The following ZNF454 variants were observed in gnomAD, a reference collection of about 807,000 sequenced individuals.
ZNF454 encodes zinc finger protein 454.
A neutral mutation model predicts 48.2 loss-of-function variants in ZNF454; 30 were observed. The ratio of observed to expected loss-of-function variants is 0.62; its 90% CI spans 0.47 to 0.84. The LOEUF is 0.84. ZNF454 is among the 40% of genes least tolerant of loss of function. The pLI is 0.00. For missense variants in ZNF454, 510 were observed against 623.1 expected, an observed-to-expected ratio of 0.82 and a Z score of 1.93; for synonymous variants, 204 against 211.4, an observed-to-expected ratio of 0.97 and a Z score of 0.30.
Position 178,965,648 on chromosome 5 carries a change from G to A in ZNF454, c.1244G>A (p.Gly415Asp). 2 of 1,614,148 alleles carry A rather than the reference G, an allele frequency of 1.2e-6. No homozygotes were observed. Among genetic ancestry groups the A allele is most frequent in the East Asian group, 2.2e-5 (1 of 44,882 alleles). The change falls in exon 5 of 5, where the codon GGC becomes GAC. Residue 415 changes from glycine (G) to aspartate (D), a missense_variant. Physicochemically the swap from Gly to Asp is moderately conservative, Grantham distance 94. Coordinates refer to ENST00000519564, the MANE Select transcript of ZNF454 (RefSeq NM_001178089.3). The surrounding 1 kb of genome is among the most constrained non-coding windows in gnomAD (Gnocchi z 5.2). The stretch of plus-strand genomic sequence containing the variant: ...ACTGGAGAGAAACCTTACAGATGTG[G>A]CTTGTGTGAGAAAGCCTTTCGGGAC... ...IHTGEKPYRC[G>D]LCEKAFRDQS... is the part of the protein sequence containing the mutation.
chr5:178,957,107 C>T (rs904945769), intron 4 of ZNF454, among the ~76,000 whole-genome samples: 3 of 152,146 alleles, frequency 2.0e-5, no homozygotes, highest in East Asian at 1.9e-4. Context: ...TGGTCTCGAT[C>T]TCTTGACCTC....
the ZNF454 span, chr5:178,986,450 T>C: frequency 1.2e-6 from 2 of 1,612,856 alleles, no homozygotes; most frequent in Non-Finnish European, 1.7e-6. Flanking sequence ...GCCACCACCG[T>C]GGTAGTGGCC....
At chr5:178,989,502 G>C in the ZNF454 span, 1 of 1,491,428 alleles carries the variant, frequency 6.7e-7, no homozygotes, top group East Asian at 2.3e-5. Flanking sequence ...GCTAGGAGTG[G>C]CCAGGTGAGC....
At position 178,964,848 on chromosome 5, in the gene ZNF454, A is replaced by G; in HGVS notation, c.444A>G (p.Pro148=). Residue 148 remains proline (P), a synonymous_variant, in exon 5 of 5, where the codon CCA becomes CCG. Transcript: ENST00000519564. ...TGGTACTCACTCACCCCAACACCCC[A>G]TCACAGGAATGTGATGAATCCGGGA... ...QRVVLTHPNT[P]SQECDESGST... 1 of 1,614,226 alleles carries G rather than the reference A, an allele frequency of 6.2e-7. No homozygotes were observed. Among genetic ancestry groups the G allele is most frequent in the Non-Finnish European group, 8.5e-7 (1 of 1,180,046 alleles).
chr5:178,989,674 A>C, the ZNF454 span: 1 of 557,566 alleles, frequency 1.8e-6, no homozygotes. Flanking sequence ...CCAGGGTAGC[A>C]CTTACATGCT....
At chr5:178,971,950 T>C in the ZNF454 span, among the ~76,000 whole-genome samples, 2 of 152,188 alleles carry the variant, frequency 1.3e-5, no homozygotes, top group Admixed American at 6.5e-5. Flanking sequence ...TGTTTGTTTT[T>C]TGAGATGGAG....
At chr5:178,943,325 G>A (rs1225713442) in intron 2 of ZNF454, among the ~76,000 whole-genome samples, 1 of 152,164 alleles carries the variant, frequency 6.6e-6, no homozygotes, top group African/African-American at 2.4e-5. Context: ...CGGTGAGAAA[G>A]GGAGCAAGAG....
At chr5:178,986,744 G>A in the ZNF454 span, 4 of 1,607,350 alleles carry the variant, frequency 2.5e-6, no homozygotes, top group East Asian at 2.2e-5. Flanking sequence ...GACCACTGCA[G>A]GGCCTCCACC....
At chr5:178,962,936 A>G (rs1285117726) in intron 4 of ZNF454, among the ~76,000 whole-genome samples, 2 of 151,768 alleles carry the variant, frequency 1.3e-5, no homozygotes, top group Non-Finnish European at 1.5e-5. Context: ...TGCCCGTACT[A>G]CTAGTTTTGT....
chr5:178,964,182 G>A (rs928279160), intron 4 of ZNF454, among the ~76,000 whole-genome samples: 3 of 150,978 alleles, frequency 2.0e-5, no homozygotes, highest in South Asian at 2.1e-4. Flanking sequence ...ATGCAGTGGC[G>A]CGATCTCGGC....
chr5:178,987,040 T>C, the ZNF454 span: 2 of 1,560,984 alleles, frequency 1.3e-6, no homozygotes, highest in Non-Finnish European at 8.8e-7. Context: ...GCTGGCCTCC[T>C]GGGGAGGCCC....
Position 178,965,206 on chromosome 5 carries a change from G to A in ZNF454, c.802G>A (p.Gly268Arg). 1 of 1,614,130 alleles carries A rather than the reference G, an allele frequency of 6.2e-7. No homozygotes were observed. The highest frequency in any genetic ancestry group is 8.5e-7 in the Non-Finnish European group (1 of 1,180,040). Reference sequence around the variant, plus strand: ...TACGTACCATCAGAAAATTCATACTGGAGAGAAGCCTTTTGAATGCAACTT... The same window carrying A: ...TACGTACCATCAGAAAATTCATACTAGAGAGAAGCCTTTTGAATGCAACTT... ...SLTYHQKIHT[G>R]EKPFECNLCG... Residue 268 changes from glycine (G) to arginine (R), a missense_variant, in exon 5 of 5, where the codon GGA (glycine) becomes AGA (arginine). By Grantham distance (125) the Gly-to-Arg change is moderately radical. Around this residue, in one of 3 missense-constraint regions of ZNF454, gnomAD observed 354 missense variants for 408.9 expected, o/e 0.87. Transcript: ENST00000519564. The surrounding 1 kb of genome is among the most constrained non-coding windows in gnomAD (Gnocchi z 5.2).
the ZNF454 span, chr5:178,989,121 C>T: frequency 3.1e-6 from 5 of 1,613,860 alleles, no homozygotes; most frequent in African/African-American, 2.7e-5. Context: ...GAGTCCCGGC[C>T]GATGCGTTCC....
At chr5:178,943,314 A>T (rs534268167) in intron 2 of ZNF454, among the ~76,000 whole-genome samples, 9 of 152,252 alleles carry the variant, frequency 5.9e-5, no homozygotes, top group African/African-American at 1.7e-4. Flanking sequence ...GGTGTATCAC[A>T]CGGTGAGAAA....
At position 178,956,680 on chromosome 5, in the gene ZNF454, TTTATTTATTTA is replaced by T. The variant is rs1561702225; in HGVS notation, c.251-7972_251-7962del. Among the ~76,000 whole-genome samples, 307 of 71,612 alleles carry T rather than the reference TTTATTTATTTA, an allele frequency of 4.3e-3. 4 individuals are homozygous for T. Among genetic ancestry groups the T allele is most frequent in the African/African-American group, 0.013 (185 of 14,316 alleles). 47.0% of individuals were successfully genotyped at this position (71,612 alleles called of 152,430 possible). ...TCTTTATTTTATTTTATTTAATTTA[TTTATTTATTTA>T]TTTATTTATTTATTTATTTATTTAT... On this transcript the variant is annotated intron_variant, in intron 4 of 4. Coordinates refer to ENST00000519564, the MANE Select transcript of ZNF454 (RefSeq NM_001178089.3).
At position 178,942,811 on chromosome 5, in the gene ZNF454, C is replaced by G; in HGVS notation, c.20C>G (p.Pro7Arg). MAVSHLPTMVQESVTFK... is the reference protein window; with the variant it reads MAVSHLRTMVQESVTFK... Reference sequence around the variant, plus strand: ...GAAAGAATGGCTGTCAGCCACCTGCCAACCATGGTCCAGGTGAGTGGGGGT... The same window carrying G: ...GAAAGAATGGCTGTCAGCCACCTGCGAACCATGGTCCAGGTGAGTGGGGGT... The change falls in exon 2 of 5, where the codon CCA becomes CGA. Residue 7 changes from proline to arginine, a missense_variant. Coordinates refer to ENST00000519564, the MANE Select transcript of ZNF454 (RefSeq NM_001178089.3). The G allele has an allele frequency of 6.2e-7, 1 of 1,613,898 alleles. No homozygotes were observed. The highest frequency in any genetic ancestry group is 8.5e-7 in the Non-Finnish European group (1 of 1,179,904).
chr5:178,986,531 G>T, the ZNF454 span: 1 of 1,608,260 alleles, frequency 6.2e-7, no homozygotes, highest in Non-Finnish European at 8.5e-7. Flanking sequence ...CGCACCACAG[G>T]TGTGGGGCGG....
Position 178,946,948 on chromosome 5 carries a change from T to G in ZNF454, c.212T>G (p.Val71Gly). The part of the protein sequence containing the change: ...DTFSQLEKRE[V>G]WMPEDTPGGF... ...TTTTCCCAGCTAGAAAAAAGGGAAG[T>G]GTGGATGCCAGAGGACACCCCTGGA... Residue 71 changes from valine to glycine, a missense_variant, in exon 4 of 5, where the codon GTG (valine) becomes GGG (glycine). By Grantham distance (109) the Val-to-Gly change is moderately radical (BLOSUM62 -3). Coordinates refer to ENST00000519564, the MANE Select transcript of ZNF454 (RefSeq NM_001178089.3). This position sits in a 1 kb window ranked among gnomAD's most constrained non-coding sequence, Gnocchi z 4.5. 6.2e-7 allele frequency: 1 copy of G among 1,613,996 alleles called. No individual in the cohort carries two copies. Among genetic ancestry groups the G allele is most frequent in the East Asian group, 2.2e-5 (1 of 44,870 alleles).
chr5:178,969,268 C>G, downstream of ZNF454: 2 of 365,784 alleles, frequency 5.5e-6, no homozygotes, highest in Non-Finnish European at 1.1e-5. Flanking sequence ...AGCTCAACCC[C>G]TAAAAGTACA....
Sources: gnomAD v4.1 joint callset for allele counts (sites outside exome capture counted in the v4.1 genomes callset) on GRCh38, gnomAD v4.1.1 for gene constraint, gnomAD v4.1.1 regional missense constraint, Gnocchi (gnomAD v3.1) non-coding constraint, MANE v1.5 for transcripts, NCBI Gene and HGNC (gene_info 2026-07-23, HGNC 2026-07-21) for gene names.